Variants in APBA1 observed in about 807,000 individuals in gnomAD.
APBA1 encodes the protein amyloid-beta A4 precursor protein-binding family A member 1.
In APBA1, 55 loss-of-function variants were observed where a neutral mutation model predicts 86.6. The observed-to-expected ratio is 0.64, with a 90% CI of 0.51 to 0.80. The LOEUF (loss-of-function observed/expected upper bound fraction) is 0.80, where lower values mean the gene tolerates loss of function less well. APBA1 is among the 30% of genes least tolerant of loss of function. The pLI, the probability that APBA1 is intolerant of heterozygous loss-of-function variation, is 0.00. For missense variants in APBA1, 1,090 were observed against 1,183.0 expected, an observed-to-expected ratio of 0.92 and a Z score of 1.15; for synonymous variants, 511 against 493.9, an observed-to-expected ratio of 1.03 and a Z score of -0.46.
chr9:69,515,904 C>A, intron 2 of APBA1, 107 bp downstream of exon 2: 3 of 1,263,044 alleles, frequency 2.4e-6, no homozygotes, highest in Admixed American at 2.6e-5. Flanking sequence ...AGCGTCCCCA[C>A]AGACTACTTC....
chr9:69,575,950 G>C (rs1283047285), intron 1 of APBA1, among the ~76,000 whole-genome samples: 1 of 152,072 alleles, frequency 6.6e-6, no homozygotes, highest in African/African-American at 2.4e-5. Context: ...ATTTTTGCAA[G>C]CTACTCATCT....
chr9:69,463,223 A>G (rs1235697899), intron 5 of APBA1: 1 of 152,172 alleles, frequency 6.6e-6, no homozygotes, highest in Non-Finnish European at 1.5e-5. Flanking sequence ...TTTGTTACCT[A>G]ACATTCTTTT....
intron 1 of APBA1, among the ~76,000 whole-genome samples, chr9:69,628,278 C>G (rs1822972423): frequency 6.6e-6 from 1 of 152,142 alleles, no homozygotes; most frequent in Admixed American, 6.5e-5. Flanking sequence ...GAGAATGCAG[C>G]CCAGGGCAGA....
At chr9:69,626,161 AG>A (rs1822923723) in intron 1 of APBA1, among the ~76,000 whole-genome samples, 1 of 152,212 alleles carries the variant, frequency 6.6e-6, no homozygotes, top group Non-Finnish European at 1.5e-5. Context: ...TTATAAGGTC[AG>A]TGAAGAGCAG....
intron 1 of APBA1, among the ~76,000 whole-genome samples, chr9:69,638,868 A>C (rs1198974025): frequency 1.3e-5 from 2 of 152,192 alleles, no homozygotes; most frequent in African/African-American, 4.8e-5. Flanking sequence ...CAAATTTTTG[A>C]AGATTAAAAT....
intron 1 of APBA1, among the ~76,000 whole-genome samples, chr9:69,548,760 T>C (rs924920985): frequency 3.9e-5 from 6 of 152,366 alleles, no homozygotes; most frequent in Non-Finnish European, 8.8e-5. Flanking sequence ...CTGGCCATGT[T>C]GGACATGCTC....
At chr9:69,500,970 T>A (rs1588323578) in intron 2 of APBA1, among the ~76,000 whole-genome samples, 1 of 152,122 alleles carries the variant, frequency 6.6e-6, no homozygotes, top group East Asian at 1.9e-4. Context: ...AAAAGTCTAT[T>A]TTCAGCTATT....
chr9:69,443,123 A>G (rs1178754171), intron 10 of APBA1, among the ~76,000 whole-genome samples: 2 of 152,186 alleles, frequency 1.3e-5, no homozygotes, highest in Admixed American at 1.3e-4. Context: ...AATGGCTCTT[A>G]AACCCCACAC....
intron 1 of APBA1, among the ~76,000 whole-genome samples, chr9:69,615,211 TAA>T (rs1454195597): frequency 1.3e-5 from 2 of 152,168 alleles, no homozygotes; most frequent in South Asian, 2.1e-4. Context: ...AAAAATAAAA[TAA>T]GAGACAATTT....
intron 1 of APBA1, among the ~76,000 whole-genome samples, chr9:69,636,918 GGAAGGAAAGAAAGAAAGAAA>G (rs1823182671): frequency 1.2e-5 from 1 of 84,960 alleles, no homozygotes; most frequent in African/African-American, 4.8e-5. Flanking sequence ...AAGGAAGGAA[GGAAGGAAAGAAAGAAAGAAA>G]GAAAGAAAGA....
At chr9:69,609,320 C>A (rs927932441) in intron 1 of APBA1, among the ~76,000 whole-genome samples, 1 of 152,054 alleles carries the variant, frequency 6.6e-6, no homozygotes, top group Admixed American at 6.5e-5. Flanking sequence ...TCATAAAAGA[C>A]CCTGAAAAAA....
At chr9:69,500,696 T>C (rs987344472) in intron 2 of APBA1, among the ~76,000 whole-genome samples, 1 of 151,758 alleles carries the variant, frequency 6.6e-6, no homozygotes, top group Non-Finnish European at 1.5e-5. Context: ...CTTACCAATT[T>C]TGACTGAATC....
intron 2 of APBA1, among the ~76,000 whole-genome samples, chr9:69,481,171 AG>A (rs1208261128): frequency 2.6e-5 from 4 of 152,006 alleles, no homozygotes; most frequent in Admixed American, 6.5e-5. Context: ...TTAGGAAAAC[AG>A]GAAGTCAAAT....
intron 1 of APBA1, among the ~76,000 whole-genome samples, chr9:69,605,733 T>C (rs1822457335): frequency 6.6e-6 from 1 of 152,218 alleles, no homozygotes; most frequent in East Asian, 1.9e-4. Context: ...GCAGCATTTG[T>C]GGTCACCCAG....
At chr9:69,563,779 A>AGTG (rs1186871862) in intron 1 of APBA1, among the ~76,000 whole-genome samples, 113 of 152,304 alleles carry the variant, frequency 7.4e-4, no homozygotes, top group Non-Finnish European at 9.7e-4. Flanking sequence ...AGATGTTTCC[A>AGTG]AGACACGTGA....
At chr9:69,615,890 C>T (rs1822689212) in intron 1 of APBA1, among the ~76,000 whole-genome samples, 1 of 152,192 alleles carries the variant, frequency 6.6e-6, no homozygotes, top group Admixed American at 6.5e-5. Flanking sequence ...AAGCATTCAT[C>T]AAACTGCTCA....
At chr9:69,650,226 A>G (rs1823471174) in intron 1 of APBA1, among the ~76,000 whole-genome samples, 1 of 152,224 alleles carries the variant, frequency 6.6e-6, no homozygotes, top group South Asian at 2.1e-4. Flanking sequence ...CAAAATGAGG[A>G]TAACAACAGC....
At chr9:69,640,970 G>C (rs1823276000) in intron 1 of APBA1, among the ~76,000 whole-genome samples, 1 of 150,912 alleles carries the variant, frequency 6.6e-6, no homozygotes, top group African/African-American at 2.4e-5. Context: ...GAGAGAGAGA[G>C]AGAAAGAAAG....
chr9:69,441,177 G>A lies in APBA1; in HGVS notation c.2182-62C>T. On this transcript the variant is annotated intron_variant, in intron 10 of 12. Coordinates refer to ENST00000265381, the MANE Select transcript of APBA1 (RefSeq NM_001163.4). Reference sequence around the variant, plus strand: ...ACTGAGGCAGACAGAATAAACAAAAGCAGGCAGCACCAAAGGCAAAAGAAG... The same window carrying A: ...ACTGAGGCAGACAGAATAAACAAAAACAGGCAGCACCAAAGGCAAAAGAAG... 3 of 1,560,508 alleles carry A rather than the reference G, an allele frequency of 1.9e-6. No individual in the cohort carries two copies. In the South Asian group the frequency reaches 3.6e-5, roughly 19 times the overall value.
Sources: gnomAD v4.1 joint callset for allele counts (sites outside exome capture counted in the v4.1 genomes callset) on GRCh38, gnomAD v4.1.1 for gene constraint, MANE v1.5 for transcripts, NCBI Gene and HGNC (gene_info 2026-07-23, HGNC 2026-07-21) for gene names.